Variants in FHOD3 observed in about 807,000 individuals in gnomAD.
The protein encoded by FHOD3 is formin homology 2 domain containing 3.
FHOD3 carries 90 observed loss-of-function variants against 173.0 expected under a neutral mutation model. The observed-to-expected ratio is 0.52, with a 90% CI of 0.44 to 0.62. The LOEUF is 0.62. Ranked by LOEUF, FHOD3 falls within the 20% of genes least tolerant of loss-of-function variation. The probability of loss-of-function intolerance (pLI) is 0.00; values close to 1 mark genes in which losing one functional copy is unlikely to be tolerated. For missense variants in FHOD3, 1,945 were observed against 2,034.7 expected (o/e 0.96, Z 0.85); for synonymous variants, 828 against 823.0 (o/e 1.01, Z -0.10).
chr18:36,367,713 A>T (rs767824089), intron 2 of FHOD3, among the ~76,000 whole-genome samples: 2 of 152,162 alleles, frequency 1.3e-5, no homozygotes, highest in Admixed American at 1.3e-4. Flanking sequence ...CCAAGAGAAT[A>T]TCTATCTATC....
At chr18:36,568,477 A>G (rs2058350043) in intron 5 of FHOD3, among the ~76,000 whole-genome samples, 1 of 151,800 alleles carries the variant, frequency 6.6e-6, no homozygotes, top group Non-Finnish European at 1.5e-5. Flanking sequence ...ACACACGTGA[A>G]AGTTTTATGT....
intron 2 of FHOD3, 28 bp from the exon 3 acceptor site, chr18:36,372,643 TCCTCTGATG>T: frequency 6.3e-7 from 1 of 1,592,504 alleles, no homozygotes; most frequent in Non-Finnish European, 8.6e-7. Flanking sequence ...CTCTGCTGAC[TCCTCTGATG>T]CCCCTGTTTT....
chr18:36,586,302 C>T (rs892485556), intron 6 of FHOD3, among the ~76,000 whole-genome samples: 2 of 152,144 alleles, frequency 1.3e-5, no homozygotes, highest in African/African-American at 4.8e-5. Flanking sequence ...GTTACATAGC[C>T]TCCTTAGAAT....
intron 9 of FHOD3, among the ~76,000 whole-genome samples, chr18:36,620,097 A>G (rs767525240): frequency 6.6e-6 from 1 of 152,176 alleles, no homozygotes; most frequent in East Asian, 1.9e-4. Flanking sequence ...AAGAAAACGA[A>G]TGAATGAGCT....
At chr18:36,747,166 C>A in intron 24 of FHOD3, 31 bp downstream of exon 24, 1 of 1,537,556 alleles carries the variant, frequency 6.5e-7, no homozygotes, top group South Asian at 1.2e-5. Context: ...ATAGAAATAT[C>A]AGTACAATGG....
intron 1 of FHOD3, among the ~76,000 whole-genome samples, chr18:36,335,891 C>T (rs1446070343): frequency 6.6e-6 from 1 of 152,212 alleles, no homozygotes; most frequent in Non-Finnish European, 1.5e-5. Flanking sequence ...TCAGCCATTA[C>T]CTTCCATGAG....
intron 1 of FHOD3, among the ~76,000 whole-genome samples, chr18:36,327,022 A>C (rs1278702378): frequency 1.3e-5 from 2 of 152,178 alleles, no homozygotes; most frequent in African/African-American, 4.8e-5. Context: ...ATAGGCACAA[A>C]ATCAGTTGCT....
At chr18:36,538,751 G>A (rs1331185908) in intron 5 of FHOD3, among the ~76,000 whole-genome samples, 2 of 152,202 alleles carry the variant, frequency 1.3e-5, no homozygotes, top group African/African-American at 2.4e-5. Context: ...GAGTTGACAG[G>A]GGTTAGTGAT....
intron 5 of FHOD3, among the ~76,000 whole-genome samples, chr18:36,513,306 T>C (rs2055768480): frequency 6.6e-6 from 1 of 152,136 alleles, no homozygotes. Context: ...TATCGTCCAA[T>C]ATTATCTACA....
chr18:36,552,827 T>A (rs1023724378), intron 5 of FHOD3, among the ~76,000 whole-genome samples: 3 of 152,150 alleles, frequency 2.0e-5, no homozygotes, highest in African/African-American at 7.2e-5. Context: ...TCCTGCCTGA[T>A]TGCCCTGGCC....
chr18:36,509,751 A>G (rs1169607343), intron 4 of FHOD3, among the ~76,000 whole-genome samples: 1 of 152,236 alleles, frequency 6.6e-6, no homozygotes, highest in Non-Finnish European at 1.5e-5. Context: ...ATTTGAAAAC[A>G]TTAAAAAATA....
Position 36,565,115 on chromosome 18 carries a change from A to T in FHOD3, c.512-11336A>T, listed in dbSNP as rs183723688. Reference sequence around the variant, plus strand: ...TTATTTAGGGCAGACAATTAAGTGGAAAAGAATAATAACTAGACTCCAAGG... The same window carrying T: ...TTATTTAGGGCAGACAATTAAGTGGTAAAGAATAATAACTAGACTCCAAGG... On this transcript the variant is annotated intron_variant, in intron 5 of 28. Transcript: ENST00000590592. Among the ~76,000 whole-genome samples, 506 of 152,288 alleles carry T rather than the reference A, an allele frequency of 3.3e-3. 24 individuals carry two copies. The highest frequency in any genetic ancestry group is 0.031 in the Admixed American group (479 of 15,288).
At chr18:36,605,265 TC>T (rs2031928206) in intron 8 of FHOD3, among the ~76,000 whole-genome samples, 1 of 152,188 alleles carries the variant, frequency 6.6e-6, no homozygotes, top group African/African-American at 2.4e-5. Context: ...GCCACAGTGT[TC>T]CCCATTGTAA....
At chr18:36,402,486 TATATA>T (rs2048862464) in intron 3 of FHOD3, among the ~76,000 whole-genome samples, 1 of 150,340 alleles carries the variant, frequency 6.7e-6, no homozygotes, top group African/African-American at 2.5e-5. Context: ...TTTTTAGTGA[TATATA>T]ATGTGATGCA....
At chr18:36,779,176 CTCTTTA>C (rs2043915945) in intron 28 of FHOD3, 5 of 482,910 alleles carry the variant, frequency 1.0e-5, no homozygotes, top group South Asian at 9.6e-5. Context: ...CCTTTCTCTC[CTCTTTA>C]TAAGTGCCCG....
chr18:36,769,178 A>T, intron 27 of FHOD3, 87 bp from the exon 28 acceptor site: 3 of 1,482,510 alleles, frequency 2.0e-6, no homozygotes, highest in Non-Finnish European at 2.8e-6. Context: ...TGCTGAAAGA[A>T]CTCAACTGCT....
rs116611413 is a variant in FHOD3 at position 36,691,560 on chromosome 18, C to T, written c.2022-1649C>T. ...GCCAAGTGGCTTTTTCTTGCTGGCC[C>T]GAATTAAGGCCACAAACACATTCCT... On this transcript the variant is annotated intron_variant, in intron 16 of 28. Coordinates refer to ENST00000590592, the MANE Select transcript of FHOD3 (RefSeq NM_001281740.3). 9.8e-3 allele frequency among the ~76,000 whole-genome samples: 1,460 copies of T among 148,528 alleles called. 15 individuals are homozygous for T. Among genetic ancestry groups the T allele is most frequent in the African/African-American group, 0.034 (1,390 of 40,380 alleles).
chr18:36,663,856 A>C (rs369532646), intron 14 of FHOD3, among the ~76,000 whole-genome samples: 9 of 152,300 alleles, frequency 5.9e-5, no homozygotes, highest in African/African-American at 1.7e-4. Flanking sequence ...TTTGTTGCCA[A>C]TTCCAAGTGG....
intron 3 of FHOD3, among the ~76,000 whole-genome samples, chr18:36,444,307 G>T (rs2051339561): frequency 2.0e-5 from 3 of 151,738 alleles, no homozygotes; most frequent in South Asian, 2.1e-4. Flanking sequence ...GCCCCCTTCA[G>T]TGTGGTTATA....
Sources: gnomAD v4.1 joint callset for allele counts (sites outside exome capture counted in the v4.1 genomes callset) on GRCh38, gnomAD v4.1.1 for gene constraint, MANE v1.5 for transcripts, NCBI Gene and HGNC (gene_info 2026-07-23, HGNC 2026-07-21) for gene names.